The following ABCA13 variants were observed in gnomAD, a reference collection of about 807,000 sequenced individuals.
The protein encoded by ABCA13 is ATP-binding cassette sub-family A member 13.
Under a neutral mutation model 478.7 loss-of-function variants are expected in ABCA13, and 476 were observed. That is an observed-to-expected ratio of 0.99 (90% confidence interval 0.92 to 1.07). The LOEUF (loss-of-function observed/expected upper bound fraction) is 1.07. Among genes scored for constraint, ABCA13 ranks in the 50% least tolerant of loss-of-function variants. ABCA13 has a pLI of 0.00. For missense variants in ABCA13, 6,060 were observed against 5,910.6 expected (o/e 1.03, Z -0.83); for synonymous variants, 2,252 against 2,158.9 (o/e 1.04, Z -1.20).
At chr7:48,493,980 CCTT>C (rs948948994) in intron 48 of ABCA13, among the ~76,000 whole-genome samples, 37 of 152,158 alleles carry the variant, frequency 2.4e-4, no homozygotes, top group Admixed American at 2.4e-3. Flanking sequence ...TCCACACTCA[CCTT>C]CTCACTGCTA....
rs1563027217 is a variant in ABCA13, at chr7:48,313,047, G to A, written c.9517-20G>A. ...AGTGTTGGTTATTTCATGTTGTTTT[G>A]TTTTTGTTTTGTCCTTTAGACTCTG... On this transcript the variant is annotated intron_variant, in intron 24 of 61. Coordinates refer to ENST00000435803, the MANE Select transcript of ABCA13 (RefSeq NM_152701.5). The A allele has an allele frequency of 2.6e-6, 4 of 1,526,532 alleles. No individual in the cohort carries two copies. Among genetic ancestry groups the A allele is most frequent in the Non-Finnish European group, 2.6e-6 (3 of 1,137,654 alleles). The allele number at this position is 1,526,532 out of a possible 1,614,324, so 94.6% of individuals were successfully genotyped here. A position where few individuals can be genotyped will look rare whatever the true frequency, so the allele number is the denominator to read the frequency against.
intron 1 of ABCA13, among the ~76,000 whole-genome samples, chr7:48,172,210 A>G (rs1360524893): frequency 1.3e-5 from 2 of 152,256 alleles, no homozygotes; most frequent in Non-Finnish European, 2.9e-5. Context: ...TCCTGATGCC[A>G]CTATATAAAC....
chr7:48,280,758 A>C (rs1357905730), intron 18 of ABCA13, among the ~76,000 whole-genome samples: 3 of 152,182 alleles, frequency 2.0e-5, no homozygotes, highest in African/African-American at 7.2e-5. Flanking sequence ...ATGTTCTATG[A>C]GTTGGAAAGA....
chr7:48,178,006 A>C (rs1795117178), intron 1 of ABCA13, among the ~76,000 whole-genome samples: 1 of 152,182 alleles, frequency 6.6e-6, no homozygotes, highest in Non-Finnish European at 1.5e-5. Flanking sequence ...CAGAAACCGA[A>C]TTAATAAAAG....
intron 27 of ABCA13, among the ~76,000 whole-genome samples, chr7:48,322,882 C>T (rs1803706390): frequency 6.6e-6 from 1 of 152,150 alleles, no homozygotes; most frequent in Non-Finnish European, 1.5e-5. Flanking sequence ...CACCCTAAAC[C>T]CATCTGTTCT....
At chr7:48,382,845 G>A (rs189303629) in intron 35 of ABCA13, among the ~76,000 whole-genome samples, 81 of 151,608 alleles carry the variant, frequency 5.3e-4, no homozygotes, top group African/African-American at 1.9e-3. Context: ...CGTGTCCCTC[G>A]TACCACTAGA....
At chr7:48,386,740 A>G (rs1815253841) in intron 35 of ABCA13, among the ~76,000 whole-genome samples, 1 of 152,212 alleles carries the variant, frequency 6.6e-6, no homozygotes, top group Non-Finnish European at 1.5e-5. Context: ...TTAATTCAAG[A>G]TGGATTAAAG....
intron 55 of ABCA13, among the ~76,000 whole-genome samples, chr7:48,563,209 A>G (rs1786652319): frequency 6.6e-6 from 1 of 152,086 alleles, no homozygotes; most frequent in Non-Finnish European, 1.5e-5. Flanking sequence ...TTTCTTGTTT[A>G]GTTTTGTGTA....
intron 37 of ABCA13, among the ~76,000 whole-genome samples, chr7:48,390,744 G>A (rs919138977): frequency 4.6e-5 from 7 of 152,316 alleles, no homozygotes; most frequent in Middle Eastern, 3.4e-3. Flanking sequence ...TGGGGACCCA[G>A]GCATGGTGGT....
At chr7:48,504,568 A>T (rs1831041826) in intron 48 of ABCA13, among the ~76,000 whole-genome samples, 1 of 152,094 alleles carries the variant, frequency 6.6e-6, no homozygotes, top group East Asian at 1.9e-4. Flanking sequence ...TAGGTTAAAC[A>T]ATTTCAGTAT....
At chr7:48,319,567 G>T (rs901423629) in intron 27 of ABCA13, among the ~76,000 whole-genome samples, 15 of 151,972 alleles carry the variant, frequency 9.9e-5, no homozygotes, top group Non-Finnish European at 2.1e-4. Context: ...TTTAAGACGT[G>T]GTCTTTTTCT....
At chr7:48,568,268 A>C (rs913062230) in intron 55 of ABCA13, among the ~76,000 whole-genome samples, 1 of 152,132 alleles carries the variant, frequency 6.6e-6, no homozygotes, top group Non-Finnish European at 1.5e-5. Context: ...AAATAGGTTC[A>C]TACAATAACT....
chr7:48,252,284 AT>A (rs1308288876), intron 15 of ABCA13, among the ~76,000 whole-genome samples: 1 of 151,962 alleles, frequency 6.6e-6, no homozygotes, highest in Non-Finnish European at 1.5e-5. Context: ...GAATTTCTAA[AT>A]TCAGTTATTC....
At chr7:48,363,472 T>C (rs894001889) in intron 31 of ABCA13, among the ~76,000 whole-genome samples, 1 of 152,144 alleles carries the variant, frequency 6.6e-6, no homozygotes, top group Non-Finnish European at 1.5e-5. Flanking sequence ...CCTTTGGATG[T>C]GTAGATTTTA....
intron 55 of ABCA13, among the ~76,000 whole-genome samples, chr7:48,551,924 C>T (rs1785364639): frequency 6.6e-6 from 1 of 151,698 alleles, no homozygotes; most frequent in South Asian, 2.1e-4. Flanking sequence ...ATGGAGAGGT[C>T]CAAGGCAGCC....
rs531969185 is a variant in ABCA13 at position 48,278,861 on chromosome 7, A to G, written c.7667A>G (p.Asp2556Gly). The change falls in exon 18 of 62, where the codon GAC (aspartate) becomes GGC (glycine). Residue 2556 changes from aspartate to glycine, a missense_variant. By Grantham distance (94) the Asp-to-Gly change is moderately conservative. This residue lies in a region of ABCA13 where 4,423 missense variants were observed against 4,309.1 expected (regional missense o/e 1.03). Transcript: ENST00000435803. ...ACCAAGGACAGTGTGAAATTCTTTG[A>G]CACTCTGTATTCCATCATGCAACAA... Reference protein sequence around the residue: ...SNTKDSVKFFDTLYSIMQQSV... With the variant: ...SNTKDSVKFFGTLYSIMQQSV... 290 of 1,613,568 alleles carry G rather than the reference A, an allele frequency of 1.8e-4. 2 individuals carry two copies. In the South Asian group the frequency reaches 2.9e-3, roughly 16 times the overall value.
At chr7:48,376,413 C>T (rs971294522) in intron 34 of ABCA13, 28 bp from the exon 35 acceptor site, 2 of 1,610,286 alleles carry the variant, frequency 1.2e-6, no homozygotes, top group Admixed American at 1.7e-5. Flanking sequence ...TTGTGCAGTT[C>T]TAACTCTGAC....
chr7:48,507,814 G>A (rs1438380987), intron 49 of ABCA13, 58 bp from the exon 50 acceptor site: 1 of 1,496,928 alleles, frequency 6.7e-7, no homozygotes, highest in Non-Finnish European at 9.0e-7. Flanking sequence ...ATTGTTATTA[G>A]CAAAGAAGGC....
chr7:48,377,570 C>T lies in ABCA13; in HGVS notation c.11335+998C>T, dbSNP rs1165902070. ...CATGAATCATTTAGGGATGGGTAAA[C>T]ATAAAAATAATATGGGCCACTGAAA... On this transcript the variant is annotated intron_variant, in intron 35 of 61. Coordinates refer to ENST00000435803, the MANE Select transcript of ABCA13 (RefSeq NM_152701.5). Among the ~76,000 whole-genome samples the T allele has an allele frequency of 3.3e-5, 5 of 151,894 alleles. No individual in the cohort carries two copies. In the South Asian group the frequency reaches 6.2e-4, roughly 19 times the overall value.
Sources: allele counts gnomAD v4.1 joint callset (sites outside exome capture counted in the v4.1 genomes callset), GRCh38; gene constraint gnomAD v4.1.1; regional missense constraint gnomAD v4.1.1; transcripts MANE v1.5; gene names NCBI Gene and HGNC (gene_info 2026-07-23, HGNC 2026-07-21).